TRIO: variants seen among roughly 807,000 people sequenced by gnomAD.
TRIO encodes the protein trio Rho guanine nucleotide exchange factor, also known as triple functional domain protein.
Under a neutral mutation model 351.9 loss-of-function variants are expected in TRIO, and 58 were observed. The observed-to-expected ratio is 0.16, with a 90% CI of 0.13 to 0.21. The LOEUF (loss-of-function observed/expected upper bound fraction) is 0.21. TRIO is among the 10% of genes least tolerant of loss of function. TRIO has a pLI of 1.00. For missense variants in TRIO, 3,201 were observed against 4,027.8 expected (o/e 0.79, Z 5.56); for synonymous variants, 1,758 against 1,595.7 (o/e 1.10, Z -2.42).
chr5:14,293,813 C>G (rs1581549321), intron 6 of TRIO, among the ~76,000 whole-genome samples: 1 of 152,152 alleles, frequency 6.6e-6, no homozygotes, highest in Admixed American at 6.5e-5. Context: ...GTTACTAAAA[C>G]TGTATGTTCT....
At chr5:14,392,383 A>G (rs909601215) in intron 27 of TRIO, among the ~76,000 whole-genome samples, 6 of 152,256 alleles carry the variant, frequency 3.9e-5, no homozygotes, top group South Asian at 4.1e-4. Flanking sequence ...ATGAGATACT[A>G]TCTCACACCA....
At chr5:14,333,717 C>T (rs1357819668) in intron 10 of TRIO, among the ~76,000 whole-genome samples, 3 of 152,192 alleles carry the variant, frequency 2.0e-5, no homozygotes, top group East Asian at 3.9e-4. Flanking sequence ...GCAGGAAGAG[C>T]AAAGTCTCAT....
At chr5:14,177,074 A>AT (rs1789450319) in intron 1 of TRIO, among the ~76,000 whole-genome samples, 1 of 152,192 alleles carries the variant, frequency 6.6e-6, no homozygotes, top group African/African-American at 2.4e-5. Flanking sequence ...ATTGGGTTCC[A>AT]TGGACTCTGC....
At position 14,503,397 on chromosome 5, in the gene TRIO, A is replaced by G. The variant is rs184223239; in HGVS notation, c.8411+740A>G. On this transcript the variant is annotated intron_variant, in intron 54 of 56. Transcript: ENST00000344204. The stretch of plus-strand genomic sequence containing the variant: ...TGGCTGCATAAAAAGTCACACCAGC[A>G]CATGCTGTCTTAGGACAGTGGTGAC... 3.5e-3 allele frequency among the ~76,000 whole-genome samples: 540 copies of G among 152,370 alleles called. 1 individual carries two copies. Among genetic ancestry groups the G allele is most frequent in the Middle Eastern group, 0.014 (4 of 294 alleles).
chr5:14,378,957 T>G (rs7706484), intron 20 of TRIO, among the ~76,000 whole-genome samples: 15,173 of 152,238 alleles, frequency 0.1, 1,171 homozygotes, highest in African/African-American at 0.22. Context: ...GATGAAGTGC[T>G]TCTGCCTGTA....
intron 31 of TRIO, 36 bp from the exon 32 acceptor site, chr5:14,405,811 CG>C (rs1382109288): frequency 4.4e-6 from 7 of 1,597,074 alleles, no homozygotes; most frequent in Non-Finnish European, 6.0e-6. Flanking sequence ...TGGAAAGGGC[CG>C]TTCCGTATCC....
At position 14,474,109 on chromosome 5, in the gene TRIO, T is replaced by C; in HGVS notation, c.6083+12T>C. The C allele has an allele frequency of 6.2e-7, 1 of 1,610,038 alleles. No individual in the cohort carries two copies. The highest frequency in any genetic ancestry group is 1.1e-5 in the South Asian group (1 of 90,896). ...GACTGGCACAGAGAGTACGTAAACA[T>C]GCATTGTGCCCGATGGTGTGCAAAG... On this transcript the variant is annotated intron_variant, in intron 40 of 56. Coordinates refer to ENST00000344204, the MANE Select transcript of TRIO (RefSeq NM_007118.4).
chr5:14,478,162 T>G (rs1755230222), intron 41 of TRIO, among the ~76,000 whole-genome samples: 3 of 152,202 alleles, frequency 2.0e-5, no homozygotes, highest in African/African-American at 7.2e-5. Context: ...ATTTATCAAG[T>G]GCAATTAAAG....
At chr5:14,226,306 C>CT (rs146485903) in intron 1 of TRIO, among the ~76,000 whole-genome samples, 39,729 of 152,038 alleles carry the variant, frequency 0.26, 5,444 homozygotes, top group East Asian at 0.45. Flanking sequence ...ACTTCAAGTC[C>CT]TTTTTTCTGT....
chr5:14,370,957 T>C (rs960145053), intron 18 of TRIO, among the ~76,000 whole-genome samples: 2 of 152,214 alleles, frequency 1.3e-5, no homozygotes, highest in Admixed American at 1.3e-4. Context: ...CAAGTTACGA[T>C]GGTTTGACTT....
At chr5:14,344,428 C>G (rs1259593669) in intron 11 of TRIO, among the ~76,000 whole-genome samples, 1 of 152,136 alleles carries the variant, frequency 6.6e-6, no homozygotes, top group Non-Finnish European at 1.5e-5. Context: ...TATAGTATAA[C>G]AAACACACCC....
intron 37 of TRIO, among the ~76,000 whole-genome samples, chr5:14,468,597 C>T (rs1168167980): frequency 6.6e-6 from 1 of 152,246 alleles, no homozygotes; most frequent in Non-Finnish European, 1.5e-5. Flanking sequence ...AATGCTCTAA[C>T]GTCACATGGG....
chr5:14,428,007 AG>A (rs1430492829), intron 34 of TRIO, among the ~76,000 whole-genome samples: 1 of 152,098 alleles, frequency 6.6e-6, no homozygotes, highest in Non-Finnish European at 1.5e-5. Context: ...TGCCCTTCTG[AG>A]GCCTCTAGCA....
At chr5:14,461,633 C>T (rs1372276634) in intron 35 of TRIO, among the ~76,000 whole-genome samples, 3 of 152,218 alleles carry the variant, frequency 2.0e-5, no homozygotes, top group Middle Eastern at 6.3e-3. Context: ...CTTCTGGACC[C>T]TCTCCTCCCC....
chr5:14,312,236 T>C (rs769624211), intron 8 of TRIO, among the ~76,000 whole-genome samples: 1 of 152,228 alleles, frequency 6.6e-6, no homozygotes, highest in African/African-American at 2.4e-5. Flanking sequence ...TACAAGTCTA[T>C]GTGCAGTTCT....
chr5:14,149,521 C>CG (rs1787703373), intron 1 of TRIO, among the ~76,000 whole-genome samples: 1 of 152,132 alleles, frequency 6.6e-6, no homozygotes, highest in Non-Finnish European at 1.5e-5. Flanking sequence ...ACCTGCCCCC[C>CG]GGGAAAGGTT....
chr5:14,474,229 A>G, intron 40 of TRIO, 132 bp downstream of exon 40: 2 of 766,018 alleles, frequency 2.6e-6, no homozygotes, highest in Non-Finnish European at 4.2e-6. Context: ...AGCTGGTGCA[A>G]AGGAGATATT....
At chr5:14,358,884 C>T (rs1743875108) in intron 12 of TRIO, among the ~76,000 whole-genome samples, 3 of 152,202 alleles carry the variant, frequency 2.0e-5, no homozygotes, top group African/African-American at 7.2e-5. Context: ...TACTGTATCA[C>T]TCAGGAAAAT....
Position 14,498,128 on chromosome 5 carries a change from G to A in TRIO, c.8087G>A (p.Cys2696Tyr). The change falls in exon 52 of 57, where the codon TGT becomes TAT. Residue 2696 changes from cysteine (C) to tyrosine (Y), a missense_variant. By Grantham distance (194) the Cys-to-Tyr change is radical (BLOSUM62 -2). Transcript: ENST00000344204. Reference sequence around the variant, plus strand: ...GTCATTCCATTGAGTGAGGTCACGTGTGAGACAGGGGAGACCGTTGTTCTT... The same window carrying A: ...GTCATTCCATTGAGTGAGGTCACGTATGAGACAGGGGAGACCGTTGTTCTT... ...EFVIPLSEVT[C>Y]ETGETVVLRC... The A allele has an allele frequency of 6.2e-7, 1 of 1,614,208 alleles. No individual in the cohort carries two copies. Among genetic ancestry groups the A allele is most frequent in the Non-Finnish European group, 8.5e-7 (1 of 1,180,040 alleles).
Sources: allele counts gnomAD v4.1 joint callset (sites outside exome capture counted in the v4.1 genomes callset), GRCh38; gene constraint gnomAD v4.1.1; transcripts MANE v1.5; gene names NCBI Gene and HGNC (gene_info 2026-07-23, HGNC 2026-07-21).